NTNG1: variants seen among roughly 807,000 people sequenced by gnomAD.
NTNG1 encodes the protein netrin G1.
A neutral mutation model predicts 54.0 loss-of-function variants in NTNG1; 16 were observed. The ratio of observed to expected loss-of-function variants is 0.30; its 90% CI spans 0.20 to 0.45. The LOEUF is 0.45. NTNG1 is among the 20% of genes least tolerant of loss of function. The pLI is 1.00. For synonymous variants in NTNG1, 255 were observed against 263.1 expected (o/e 0.97, Z 0.30); for missense variants, 530 against 678.7 (o/e 0.78, Z 2.43).
At chr1:107,476,332 A>G (rs912426557) in intron 7 of NTNG1, among the ~76,000 whole-genome samples, 1 of 151,828 alleles carries the variant, frequency 6.6e-6, no homozygotes, top group East Asian at 1.9e-4. Context: ...GAAGTCTTCT[A>G]CTCTTTTTGA....
intron 2 of NTNG1, among the ~76,000 whole-genome samples, chr1:107,224,310 C>T (rs764805013): frequency 3.9e-5 from 6 of 152,152 alleles, no homozygotes; most frequent in Non-Finnish European, 8.8e-5. Context: ...TCAAAGCTCA[C>T]GTTGTAAAGT....
At chr1:107,201,268 G>T (rs934710449) in intron 2 of NTNG1, among the ~76,000 whole-genome samples, 3 of 151,662 alleles carry the variant, frequency 2.0e-5, no homozygotes, top group Non-Finnish European at 4.4e-5. Context: ...TTGTGTATTT[G>T]TTCCCAGAAT....
intron 3 of NTNG1, among the ~76,000 whole-genome samples, chr1:107,384,310 A>T (rs370594907): frequency 6.6e-6 from 1 of 152,196 alleles, no homozygotes; most frequent in Non-Finnish European, 1.5e-5. Flanking sequence ...TAGAGGCTCA[A>T]GTAAGGTTTA....
intron 3 of NTNG1, among the ~76,000 whole-genome samples, chr1:107,386,589 T>A (rs536187863): frequency 3.3e-5 from 5 of 152,356 alleles, no homozygotes; most frequent in Admixed American, 1.3e-4. Context: ...TATGGCAGAA[T>A]AATATTCCAT....
intron 1 of NTNG1, among the ~76,000 whole-genome samples, chr1:107,146,815 G>T (rs911870679): frequency 2.0e-5 from 3 of 151,932 alleles, no homozygotes; most frequent in African/African-American, 7.2e-5. Context: ...GCATTTCATA[G>T]TCTCTGTGGC....
At chr1:107,421,525 T>C (rs1315060539) in intron 5 of NTNG1, among the ~76,000 whole-genome samples, 1 of 152,098 alleles carries the variant, frequency 6.6e-6, no homozygotes, top group East Asian at 1.9e-4. Flanking sequence ...AAAGGCAGGT[T>C]CCATGTATGG....
chr1:107,416,092 A>G (rs1674178622), intron 5 of NTNG1, among the ~76,000 whole-genome samples: 1 of 152,188 alleles, frequency 6.6e-6, no homozygotes, highest in South Asian at 2.1e-4. Context: ...TAAAATGTAT[A>G]TGTGCAGTCG....
At chr1:107,189,081 G>A (rs200735633) in intron 2 of NTNG1, among the ~76,000 whole-genome samples, 4 of 152,088 alleles carry the variant, frequency 2.6e-5, no homozygotes, top group South Asian at 4.1e-4. Context: ...GCCTAGCACC[G>A]TGGCTCTCAC....
intron 7 of NTNG1, among the ~76,000 whole-genome samples, chr1:107,475,513 G>T (rs1678257962): frequency 6.6e-6 from 1 of 152,096 alleles, no homozygotes; most frequent in Non-Finnish European, 1.5e-5. Context: ...GTCTGTCTTA[G>T]ATCCCAGTCT....
intron 2 of NTNG1, among the ~76,000 whole-genome samples, chr1:107,208,535 A>T (rs1423577363): frequency 6.6e-6 from 1 of 152,094 alleles, no homozygotes; most frequent in Non-Finnish European, 1.5e-5. Flanking sequence ...GTCCCCAAGC[A>T]ACACACCTAC....
At chr1:107,392,701 T>C (rs962186287) in intron 3 of NTNG1, among the ~76,000 whole-genome samples, 1 of 151,964 alleles carries the variant, frequency 6.6e-6, no homozygotes, top group African/African-American at 2.4e-5. Context: ...TATAGGAAAC[T>C]CAAGAAGGGA....
At chr1:107,409,331 A>C (rs1319232483) in intron 5 of NTNG1, 1 of 152,206 alleles carries the variant, frequency 6.6e-6, no homozygotes, top group Admixed American at 6.5e-5. Context: ...GCCTGTCAGA[A>C]GTTTCAGAAA....
At chr1:107,278,950 T>G (rs1664658484) in intron 2 of NTNG1, among the ~76,000 whole-genome samples, 1 of 152,176 alleles carries the variant, frequency 6.6e-6, no homozygotes, top group Non-Finnish European at 1.5e-5. Context: ...TTAGGATTCT[T>G]AATAGTTACA....
chr1:107,149,985 C>T (rs1178488256), intron 2 of NTNG1, among the ~76,000 whole-genome samples: 1 of 152,032 alleles, frequency 6.6e-6, no homozygotes, highest in African/African-American at 2.4e-5. Context: ...TCATCTTAGA[C>T]CTAGCACCAT....
chr1:107,275,523 G>A (rs1435693354), intron 2 of NTNG1, among the ~76,000 whole-genome samples: 1 of 152,184 alleles, frequency 6.6e-6, no homozygotes, highest in African/African-American at 2.4e-5. Flanking sequence ...TCCAGTCTGA[G>A]TCCAAAGAGC....
intron 2 of NTNG1, among the ~76,000 whole-genome samples, chr1:107,185,809 G>T (rs1262050393): frequency 1.3e-5 from 2 of 152,092 alleles, no homozygotes; most frequent in Non-Finnish European, 2.9e-5. Context: ...AAGTGGCATT[G>T]TGTTCATTTT....
rs767241541 is a variant in NTNG1, at chr1:107,324,506, A to G, written c.471A>G (p.Pro157=). Residue 157 remains proline (P), a synonymous_variant, in exon 3 of 8, where the codon CCA becomes CCG. Coordinates refer to ENST00000370068, the MANE Select transcript of NTNG1 (RefSeq NM_001113226.3). Reference sequence around the variant, plus strand: ...TTATTACCTTTGAATCTGGGCGTCCAGACCAAATGATCCTGGAGAAGTCTC... The same window carrying G: ...TTATTACCTTTGAATCTGGGCGTCCGGACCAAATGATCCTGGAGAAGTCTC... The part of the protein sequence containing the change: ...NIVITFESGR[P]DQMILEKSLD... The G allele has an allele frequency of 1.7e-5, 28 of 1,613,824 alleles. No individual in the cohort carries two copies. The highest frequency in any genetic ancestry group is 2.4e-5 in the Non-Finnish European group (28 of 1,179,862).
chr1:107,211,526 A>T (rs1274804022), intron 2 of NTNG1, among the ~76,000 whole-genome samples: 1 of 152,170 alleles, frequency 6.6e-6, no homozygotes. Flanking sequence ...TTTGCAGGGA[A>T]GAGGATTTCA....
intron 2 of NTNG1, among the ~76,000 whole-genome samples, chr1:107,173,711 T>TTTTC (rs1288229689): frequency 1.9e-4 from 28 of 150,408 alleles, no homozygotes; most frequent in African/African-American, 5.4e-4. Context: ...TTCTTTTTTC[T>TTTTC]TTTCTTTCTT....
Sources: allele counts gnomAD v4.1 joint callset (sites outside exome capture counted in the v4.1 genomes callset), GRCh38; gene constraint gnomAD v4.1.1; transcripts MANE v1.5; gene names NCBI Gene and HGNC (gene_info 2026-07-23, HGNC 2026-07-21).